The following SIM1 variants were observed in gnomAD, a reference collection of about 807,000 sequenced individuals.
SIM1 encodes SIM bHLH transcription factor 1, also known as single-minded homolog 1.
SIM1 carries 18 observed loss-of-function variants against 78.2 expected under a neutral mutation model. The observed-to-expected ratio is 0.23, with a 90% CI of 0.16 to 0.34. SIM1 has a LOEUF of 0.34. Among genes scored for constraint, SIM1 ranks in the 10% least tolerant of loss-of-function variants. SIM1 has a pLI of 1.00. For synonymous variants in SIM1, 417 were observed against 385.2 expected (o/e 1.08, Z -0.97); for missense variants, 939 against 975.1 (o/e 0.96, Z 0.49).
At position 100,391,762 on chromosome 6, in the gene SIM1, T is replaced by A. The variant is rs190545235; in HGVS notation, c.1571-671A>T. Among the ~76,000 whole-genome samples, 9 of 152,304 alleles carry A rather than the reference T, an allele frequency of 5.9e-5. No individual in the cohort carries two copies. In the East Asian group the frequency reaches 1.5e-3, roughly 26 times the overall value. ...GATGGATATAACTGAAGATTATAGA[T>A]ATAGATACAATCTTGTCCAAATAAA... On this transcript the variant is annotated intron_variant, in intron 11 of 11. Transcript: ENST00000369208.
chr6:100,400,029 T>C (rs1770867597), intron 10 of SIM1, among the ~76,000 whole-genome samples: 1 of 152,022 alleles, frequency 6.6e-6, no homozygotes, highest in African/African-American at 2.4e-5. Context: ...AGACATTTTA[T>C]GTTGCTAAAA....
chr6:100,421,989 T>C lies in SIM1; in HGVS notation c.999-1031A>G, dbSNP rs1462312677. Among the ~76,000 whole-genome samples, 5 of 148,580 alleles carry C rather than the reference T, an allele frequency of 3.4e-5. No individual in the cohort carries two copies. In the Admixed American group the frequency reaches 3.4e-4, roughly 10 times the overall value. ...ATATAGCTCCTCACGTTTCCCTCTT[T>C]GCACTAAAATCAAAAGTCCCCAAGC... is the stretch of plus-strand genomic sequence containing the variant. On this transcript the variant is annotated intron_variant, in intron 9 of 11. Transcript: ENST00000369208.
chr6:100,448,231 G>A lies in SIM1; in HGVS notation c.765C>T (p.Tyr255=). Residue 255 remains tyrosine, a synonymous_variant, in exon 8 of 12, where the codon TAC becomes TAT. Coordinates refer to ENST00000369208, the MANE Select transcript of SIM1 (RefSeq NM_005068.3). ...LDSRVAELTG[Y]EPQDLIEKTL... The stretch of plus-strand genomic sequence containing the variant: ...TCTTCTCAATCAGGTCCTGAGGTTC[G>A]TACCCCGTCAGCTCCGCCACCCTGA... 6.2e-7 allele frequency: 1 copy of A among 1,613,300 alleles called. No homozygotes were observed. Among genetic ancestry groups the A allele is most frequent in the Non-Finnish European group, 8.5e-7 (1 of 1,179,748 alleles).
At position 100,386,680 on chromosome 6, in the gene SIM1, G is replaced by A. The variant is rs918552057; in HGVS notation, c.*3681C>T. 31 of 151,888 alleles carry A rather than the reference G, an allele frequency of 2.0e-4. No individual in the cohort carries two copies. The highest frequency in any genetic ancestry group is 6.8e-4 in the African/African-American group (28 of 41,378). 9.4% of individuals were successfully genotyped at this position (151,888 alleles called of 1,614,324 possible). The stretch of plus-strand genomic sequence containing the variant: ...GCCCAGAGGCAGCATGTGACAACAC[G>A]GTATAGAGTGAATTAAGAATAGTGC... On this transcript the variant is annotated 3_prime_UTR_variant, in exon 12 of 12. Coordinates refer to ENST00000369208, the MANE Select transcript of SIM1 (RefSeq NM_005068.3).
intron 10 of SIM1, among the ~76,000 whole-genome samples, chr6:100,396,983 T>A (rs969809566): frequency 5.3e-5 from 8 of 152,176 alleles, no homozygotes; most frequent in Non-Finnish European, 1.5e-5. Context: ...CTATTTGGTA[T>A]CCTTTTTAGT....
chr6:100,394,067 T>A (rs1342512939), intron 10 of SIM1, 178 bp from the exon 11 acceptor site: 1 of 527,180 alleles, frequency 1.9e-6, no homozygotes, highest in African/African-American at 2.0e-5. Context: ...AACTTGGAAT[T>A]ACTTAATTCA....
At chr6:100,457,616 C>T (rs983227100) in intron 2 of SIM1, among the ~76,000 whole-genome samples, 3 of 152,232 alleles carry the variant, frequency 2.0e-5, no homozygotes, top group Non-Finnish European at 4.4e-5. Context: ...CGGGCGCCTC[C>T]GCAGCCGAGC....
chr6:100,431,705 C>G (rs890064840), intron 9 of SIM1, among the ~76,000 whole-genome samples: 1 of 152,180 alleles, frequency 6.6e-6, no homozygotes, highest in African/African-American at 2.4e-5. Context: ...AGCCCGTTAC[C>G]AAAGACAGAA....
intron 2 of SIM1, among the ~76,000 whole-genome samples, chr6:100,458,655 A>G (rs1422692313): frequency 1.3e-5 from 2 of 152,148 alleles, no homozygotes; most frequent in Non-Finnish European, 2.9e-5. Flanking sequence ...CCGCGGACAG[A>G]GGATGGGACA....
chr6:100,447,510 T>C, intron 8 of SIM1, 95 bp from the exon 9 acceptor site: 2 of 1,376,346 alleles, frequency 1.5e-6, no homozygotes. Context: ...GGGCTCCCTG[T>C]GGGCCCTAAT....
chr6:100,395,673 G>A (rs1012299522), intron 10 of SIM1, among the ~76,000 whole-genome samples: 1 of 152,102 alleles, frequency 6.6e-6, no homozygotes, highest in Admixed American at 6.6e-5. Flanking sequence ...TTCCCTTGTC[G>A]CCCATGATGA....
rs929809324 is a variant in SIM1 at position 100,389,612 on chromosome 6, G to C, written c.*749C>G. The C allele has an allele frequency of 2.5e-6, 1 of 398,782 alleles. No individual in the cohort carries two copies. Among genetic ancestry groups the C allele is most frequent in the African/African-American group, 2.1e-5 (1 of 48,616 alleles). The allele number at this position is 398,782 out of a possible 1,614,324, so 24.7% of individuals were successfully genotyped here. A position where few individuals can be genotyped will look rare whatever the true frequency, so the allele number is the denominator to read the frequency against. The stretch of plus-strand genomic sequence containing the variant: ...TTCCAATTGAGCACTCCAGGTTTTT[G>C]ATGTGTGTCCCAATATCTCAGTGTT... On this transcript the variant is annotated 3_prime_UTR_variant, in exon 12 of 12. Coordinates refer to ENST00000369208, the MANE Select transcript of SIM1 (RefSeq NM_005068.3).
At chr6:100,407,539 T>C (rs893098848) in intron 10 of SIM1, among the ~76,000 whole-genome samples, 3 of 152,118 alleles carry the variant, frequency 2.0e-5, no homozygotes, top group Admixed American at 2.0e-4. Flanking sequence ...CCATTTTACA[T>C]AATGGCTGTA....
chr6:100,450,381 T>G (rs753478186), intron 3 of SIM1, 25 bp from the exon 4 acceptor site: 2 of 1,602,440 alleles, frequency 1.2e-6, no homozygotes, highest in African/African-American at 1.3e-5. Context: ...ATAGAGAGAA[T>G]AGAGAGCCCT....
At chr6:100,450,143 C>A in intron 4 of SIM1, 124 bp downstream of exon 4, 1 of 763,716 alleles carries the variant, frequency 1.3e-6, no homozygotes, top group South Asian at 1.5e-5. Flanking sequence ...AGTCTTCCTG[C>A]TAGCTGTGAG....
chr6:100,413,353 C>T (rs967455373), intron 10 of SIM1, among the ~76,000 whole-genome samples: 1 of 152,166 alleles, frequency 6.6e-6, no homozygotes, highest in Non-Finnish European at 1.5e-5. Context: ...AATCTGGTTA[C>T]CACGGGCAAC....
At chr6:100,417,944 C>T (rs932579149) in intron 10 of SIM1, among the ~76,000 whole-genome samples, 6 of 152,248 alleles carry the variant, frequency 3.9e-5, no homozygotes, top group African/African-American at 1.4e-4. Flanking sequence ...GGTTGAAATT[C>T]TAAGGACTAG....
chr6:100,398,767 C>A (rs185946134), intron 10 of SIM1, among the ~76,000 whole-genome samples: 81 of 152,098 alleles, frequency 5.3e-4, no homozygotes, highest in Admixed American at 9.8e-4. Flanking sequence ...GTTTTTAATC[C>A]TTTAGGGTAT....
chr6:100,398,506 C>T (rs1485656800), intron 10 of SIM1, among the ~76,000 whole-genome samples: 1 of 152,098 alleles, frequency 6.6e-6, no homozygotes, highest in Non-Finnish European at 1.5e-5. Flanking sequence ...TTTTAGGTAC[C>T]TCACATAAGT....
Sources: gnomAD v4.1 joint callset for allele counts (sites outside exome capture counted in the v4.1 genomes callset) on GRCh38, gnomAD v4.1.1 for gene constraint, MANE v1.5 for transcripts, NCBI Gene and HGNC (gene_info 2026-07-23, HGNC 2026-07-21) for gene names.